The following HEATR3 variants were observed in gnomAD, a reference collection of about 807,000 sequenced individuals.
HEATR3 encodes HEAT repeat containing 3.
HEATR3 carries 56 observed loss-of-function variants against 72.8 expected under a neutral mutation model. That is an observed-to-expected ratio of 0.77 (90% CI 0.62 to 0.96). The LOEUF is 0.96. HEATR3 is among the 40% of genes least tolerant of loss of function. The probability of loss-of-function intolerance (pLI) is 0.00; values close to 1 mark genes in which losing one functional copy is unlikely to be tolerated. For missense variants in HEATR3, 747 were observed against 831.4 expected (o/e 0.90, Z 1.25); for synonymous variants, 331 against 318.1 (o/e 1.04, Z -0.43).
intron 12 of HEATR3, among the ~76,000 whole-genome samples, chr16:50,096,870 T>A (rs1383468684): frequency 4.6e-5 from 7 of 152,178 alleles, no homozygotes; most frequent in Admixed American, 4.6e-4. Context: ...TCTTAGTCTA[T>A]AGCATTTCCC....
In HEATR3 at chr16:50,078,910, A is replaced by G. The variant is rs968692385; in HGVS notation, c.933A>G (p.Glu311=). The G allele has an allele frequency of 1.2e-6, 2 of 1,614,152 alleles. No individual in the cohort carries two copies. The highest frequency in any genetic ancestry group is 1.7e-6 in the Non-Finnish European group (2 of 1,180,008). ...QRLKTAAEAE[E]ILENTNGDDL... The stretch of plus-strand genomic sequence containing the variant: ...TAAAAACTGCTGCAGAGGCTGAGGA[A>G]ATATTAGAGAACACTAATGGGGATG... The change falls in exon 7 of 15, where the codon GAA becomes GAG. Residue 311 remains glutamate (E), a synonymous_variant. Transcript: ENST00000299192.
chr16:50,078,892 T>C lies in HEATR3; in HGVS notation c.915T>C (p.Thr305=), dbSNP rs747898242. ...MKEAETQRLK[T]AAEAEEILEN... is the part of the protein sequence containing the mutation. ...AGGCTGAAACGCAAAGGTTAAAAACTGCTGCAGAGGCTGAGGAAATATTAG... is the reference window on the plus strand; with the variant it reads ...AGGCTGAAACGCAAAGGTTAAAAACCGCTGCAGAGGCTGAGGAAATATTAG... The change falls in exon 7 of 15, where the codon ACT becomes ACC. Residue 305 remains threonine (T), a synonymous_variant. Transcript: ENST00000299192. The C allele has an allele frequency of 2.5e-6, 4 of 1,614,056 alleles. No homozygotes were observed. The South Asian group carries it at 4.4e-5, about 18-fold the overall frequency.
intron 12 of HEATR3, among the ~76,000 whole-genome samples, chr16:50,096,710 G>A (rs903788043): frequency 2.0e-5 from 3 of 152,152 alleles, no homozygotes; most frequent in East Asian, 1.9e-4. Flanking sequence ...GAGGCAGGGA[G>A]AATTGCTTGA....
intron 11 of HEATR3, among the ~76,000 whole-genome samples, chr16:50,087,805 A>G (rs953605302): frequency 6.6e-6 from 1 of 152,126 alleles, no homozygotes; most frequent in African/African-American, 2.4e-5. Context: ...TCCTTTTCAG[A>G]CACAACATTA....
At chr16:50,092,436 C>CTTTTTTCTTTTTTTT (rs55971965) in intron 11 of HEATR3, among the ~76,000 whole-genome samples, 53 of 105,952 alleles carry the variant, frequency 5.0e-4, no homozygotes, top group Admixed American at 6.3e-4. Context: ...TTTCTTTTTT[C>CTTTTTTCTTTTTTTT]TTTTTTTTTT....
chr16:50,069,626 C>A (rs1458878356), intron 3 of HEATR3, among the ~76,000 whole-genome samples: 5 of 152,134 alleles, frequency 3.3e-5, no homozygotes, highest in Admixed American at 2.6e-4. Context: ...CCCTTCCTTC[C>A]CCAACAAAGA....
Position 50,105,139 on chromosome 16 carries a change from A to C in HEATR3, c.*78A>C. The C allele has an allele frequency of 6.9e-7, 1 of 1,448,918 alleles. No homozygotes were observed. Among genetic ancestry groups the C allele is most frequent in the Non-Finnish European group, 9.5e-7 (1 of 1,055,776 alleles). The allele number at this position is 1,448,918 out of a possible 1,614,324, so 89.8% of individuals were successfully genotyped here. A position where few individuals can be genotyped will look rare whatever the true frequency, so the allele number is the denominator to read the frequency against. On this transcript the variant is annotated 3_prime_UTR_variant, in exon 15 of 15. Coordinates refer to ENST00000299192, the MANE Select transcript of HEATR3 (RefSeq NM_182922.4). ...ACTAAAAGGTTTTCTTTGAATGTAT[A>C]TGTTTCTGAAAGTCATTTTTTAATG...
chr16:50,096,324 CAAAAAAAAAAAAA>C (rs59995532), intron 12 of HEATR3, among the ~76,000 whole-genome samples: 2 of 86,820 alleles, frequency 2.3e-5, no homozygotes, highest in African/African-American at 8.9e-5. Flanking sequence ...GACTCCGTCT[CAAAAAAAAAAAAA>C]AAAAAAAACA....
chr16:50,089,732 G>A (rs1362755506), intron 11 of HEATR3, among the ~76,000 whole-genome samples: 3 of 151,858 alleles, frequency 2.0e-5, no homozygotes, highest in Admixed American at 6.6e-5. Context: ...ACAGTAGCAC[G>A]ATCTTGGCTC....
chr16:50,102,688 T>C (rs1484102547), intron 14 of HEATR3, among the ~76,000 whole-genome samples: 1 of 152,226 alleles, frequency 6.6e-6, no homozygotes, highest in African/African-American at 2.4e-5. Flanking sequence ...ATTTTGACAA[T>C]GCTTCATATA....
At chr16:50,071,074 G>A (rs2036600266) in intron 4 of HEATR3, among the ~76,000 whole-genome samples, 2 of 152,194 alleles carry the variant, frequency 1.3e-5, no homozygotes, top group Admixed American at 6.5e-5. Context: ...GGCCCCAGGA[G>A]GAAGAAGGCC....
intron 12 of HEATR3, 33 bp downstream of exon 12, chr16:50,094,826 G>A (rs2037196754): frequency 7.2e-7 from 1 of 1,380,306 alleles, no homozygotes; most frequent in Non-Finnish European, 1.0e-6. Flanking sequence ...TATGAAACTT[G>A]TAAAGATTGT....
chr16:50,103,131 T>C (rs958944118), intron 14 of HEATR3, among the ~76,000 whole-genome samples: 2 of 152,132 alleles, frequency 1.3e-5, no homozygotes, highest in African/African-American at 4.8e-5. Flanking sequence ...GAAAAAAATA[T>C]CCCCTATTTC....
rs2036923233 is a variant in HEATR3, at chr16:50,083,795, AC to A, written c.1042-141del. On this transcript the variant is annotated intron_variant, in intron 7 of 14. Coordinates refer to ENST00000299192, the MANE Select transcript of HEATR3 (RefSeq NM_182922.4). The stretch of plus-strand genomic sequence containing the variant: ...TCGTTTGTACTTCTGGCACTTCATG[AC>A]TTTTCTTTTACCTACCCCATTCCCC... 1.1e-5 allele frequency: 7 copies of A among 652,940 alleles called. No homozygotes were observed. The Admixed American group carries it at 1.7e-4, about 16-fold the overall frequency. 40.4% of individuals were successfully genotyped at this position (652,940 alleles called of 1,614,324 possible).
At position 50,082,275 on chromosome 16, in the gene HEATR3, G is replaced by A. The variant is rs552427676; in HGVS notation, c.1042-1662G>A. ...TGAGAATCGCTTGAACCCAGGAGGC[G>A]GAGATTGCAGTGAGCCGAGATCATG... On this transcript the variant is annotated intron_variant, in intron 7 of 14. Transcript: ENST00000299192. Among the ~76,000 whole-genome samples the A allele has an allele frequency of 2.3e-4, 35 of 152,120 alleles. 1 individual carries two copies. The highest frequency in any genetic ancestry group is 1.8e-3 in the Admixed American group (27 of 15,272).
intron 13 of HEATR3, among the ~76,000 whole-genome samples, chr16:50,101,620 A>C (rs1043306044): frequency 6.6e-6 from 1 of 152,166 alleles, no homozygotes; most frequent in Admixed American, 6.6e-5. Context: ...CAGTTGTCCA[A>C]TATAGTGTCC....
At chr16:50,103,713 A>G in intron 14 of HEATR3, among the ~76,000 whole-genome samples, 1 of 152,202 alleles carries the variant, frequency 6.6e-6, no homozygotes, top group Non-Finnish European at 1.5e-5. Context: ...GATCAAACTC[A>G]GATTCCATAC....
In HEATR3 at chr16:50,106,217, T is replaced by A. The variant is rs1383325567; in HGVS notation, c.*1156T>A. On this transcript the variant is annotated 3_prime_UTR_variant, in exon 15 of 15. Coordinates refer to ENST00000299192, the MANE Select transcript of HEATR3 (RefSeq NM_182922.4). ...GCCTTTTGTGAAGAAGTAAATGAGT[T>A]GAATTTCTATTTCACTTACTAGATT... 6.6e-6 allele frequency: 1 copy of A among 152,198 alleles called. No individual in the cohort carries two copies. Among genetic ancestry groups the A allele is most frequent in the East Asian group, 1.9e-4 (1 of 5,198 alleles). The allele number at this position is 152,198 out of a possible 1,614,324, so 9.4% of individuals were successfully genotyped here.
At chr16:50,069,273 A>T (rs1171977561) in intron 3 of HEATR3, 1 of 166,828 alleles carries the variant, frequency 6.0e-6, no homozygotes, top group African/African-American at 2.4e-5. Context: ...AGACATTAGG[A>T]ACTTGTGAAG....
Sources: allele counts gnomAD v4.1 joint callset (sites outside exome capture counted in the v4.1 genomes callset), GRCh38; gene constraint gnomAD v4.1.1; transcripts MANE v1.5; gene names NCBI Gene and HGNC (gene_info 2026-07-23, HGNC 2026-07-21).